Variants in PPM1D observed in about 807,000 individuals in gnomAD.
PPM1D encodes the protein protein phosphatase, Mg2+/Mn2+ dependent 1D.
A neutral mutation model predicts 58.3 loss-of-function variants in PPM1D; 52 were observed. The observed-to-expected ratio is 0.89, with a 90% CI of 0.71 to 1.12. The LOEUF (loss-of-function observed/expected upper bound fraction) is 1.12, where lower values mean the gene tolerates loss of function less well. Among genes scored for constraint, PPM1D ranks in the 50% most tolerant of loss-of-function variants. PPM1D has a pLI of 0.00. For synonymous variants in PPM1D, 278 were observed against 285.1 expected, an observed-to-expected ratio of 0.98 and a Z score of 0.25; for missense variants, 564 against 777.2, an observed-to-expected ratio of 0.73 and a Z score of 3.26.
At chr17:60,612,405 T>A (rs1295846490) in intron 1 of PPM1D, among the ~76,000 whole-genome samples, 1 of 151,622 alleles carries the variant, frequency 6.6e-6, no homozygotes, top group Non-Finnish European at 1.5e-5. Flanking sequence ...TGGTATAGCC[T>A]ACTGCACACC....
At chr17:60,648,158 A>C in intron 4 of PPM1D, 76 bp downstream of exon 4, 2 of 1,469,058 alleles carry the variant, frequency 1.4e-6, no homozygotes, top group South Asian at 2.7e-5. Context: ...TTGAATATGA[A>C]CTAAGGACAT....
chr17:60,608,784 G>A (rs1451951623), intron 1 of PPM1D, among the ~76,000 whole-genome samples: 3 of 147,886 alleles, frequency 2.0e-5, no homozygotes, highest in Non-Finnish European at 3.0e-5. Flanking sequence ...GTCTCGCTCT[G>A]TCGCCCAGGC....
chr17:60,627,537 T>G (rs2030834389), intron 2 of PPM1D, among the ~76,000 whole-genome samples: 1 of 151,934 alleles, frequency 6.6e-6, no homozygotes, highest in African/African-American at 2.4e-5. Flanking sequence ...TTCTCCTGCC[T>G]CAGCCTCCTG....
intron 1 of PPM1D, among the ~76,000 whole-genome samples, chr17:60,621,869 G>A (rs867769486): frequency 2.1e-5 from 3 of 143,114 alleles, no homozygotes; most frequent in Admixed American, 7.1e-5. Context: ...CACTCCCAGC[G>A]TGTTAAGAGT....
chr17:60,623,537 T>C lies in PPM1D; in HGVS notation c.489T>C (p.Thr163=). Residue 163 remains threonine, a synonymous_variant, in exon 2 of 6, where the codon ACT becomes ACC. Coordinates refer to ENST00000305921, the MANE Select transcript of PPM1D (RefSeq NM_003620.4). ...TTATTACAGCGGAATGGCCAAAGAC[T>C]ATGACGGGTCTTCCTAGCACATCAG... The part of the protein sequence containing the change: ...MWKKLAEWPK[T]MTGLPSTSGT... 2 of 1,613,326 alleles carry C rather than the reference T, an allele frequency of 1.2e-6. No individual in the cohort carries two copies. The highest frequency in any genetic ancestry group is 2.2e-5 in the South Asian group (2 of 91,052).
At chr17:60,658,246 G>A (rs1470706656) in intron 5 of PPM1D, among the ~76,000 whole-genome samples, 1 of 152,180 alleles carries the variant, frequency 6.6e-6, no homozygotes, top group Non-Finnish European at 1.5e-5. Context: ...GAGACATTAG[G>A]GTGGGGAATA....
intron 2 of PPM1D, among the ~76,000 whole-genome samples, chr17:60,624,183 CT>C (rs1360637747): frequency 6.6e-6 from 1 of 152,090 alleles, no homozygotes; most frequent in African/African-American, 2.4e-5. Context: ...TTTGTTTGAA[CT>C]TAGCGTTTCA....
rs191186582 is a variant in PPM1D at position 60,615,137 on chromosome 17, C to T, written c.473-8384C>T. Among the ~76,000 whole-genome samples the T allele has an allele frequency of 3.3e-4, 50 of 152,206 alleles. No homozygotes were observed. In the East Asian group the frequency reaches 3.7e-3, roughly 11 times the overall value. ...TTAGGCTGGGTGTGGTGGCTCACAC[C>T]TCTAATCCCAACACTTTGGGAGGCT... On this transcript the variant is annotated intron_variant, in intron 1 of 5. Transcript: ENST00000305921.
chr17:60,616,497 C>G (rs1396745381), intron 1 of PPM1D, among the ~76,000 whole-genome samples: 1 of 151,948 alleles, frequency 6.6e-6, no homozygotes, highest in Non-Finnish European at 1.5e-5. Context: ...ATAATCCCAG[C>G]TACTCGGGAG....
intron 5 of PPM1D, among the ~76,000 whole-genome samples, chr17:60,661,942 G>A (rs1022564854): frequency 6.6e-6 from 1 of 152,100 alleles, no homozygotes; most frequent in Non-Finnish European, 1.5e-5. Context: ...ATCCCCTCCA[G>A]TGGTTACACT....
rs989073959 is a variant in PPM1D at position 60,627,712 on chromosome 17, G to T, written c.701+3963G>T. Among the ~76,000 whole-genome samples, 4 of 151,160 alleles carry T rather than the reference G, an allele frequency of 2.6e-5. No individual in the cohort carries two copies. In the South Asian group the frequency reaches 6.3e-4, roughly 24 times the overall value. Reference sequence around the variant, plus strand: ...TGGGATTACAGGTGTGAGCCAATTCGCCTGACCAGGAAGGAGTATTTTGCT... The same window carrying T: ...TGGGATTACAGGTGTGAGCCAATTCTCCTGACCAGGAAGGAGTATTTTGCT... On this transcript the variant is annotated intron_variant, in intron 2 of 5. Transcript: ENST00000305921.
intron 1 of PPM1D, among the ~76,000 whole-genome samples, chr17:60,609,040 C>T (rs1009588606): frequency 6.6e-6 from 1 of 151,906 alleles, no homozygotes; most frequent in Non-Finnish European, 1.5e-5. Flanking sequence ...AGCCACCGCG[C>T]CCGGCCTTTA....
rs777279856 is a variant in PPM1D at position 60,663,055 on chromosome 17, C to G, written c.1321C>G (p.Arg441Gly). ...NSKDHIPALV[R>G]SNAFSENFLE... The stretch of plus-strand genomic sequence containing the variant: ...TAAGGACCATATACCTGCCCTGGTT[C>G]GTAGCAATGCCTTCTCAGAGAATTT... The change falls in exon 6 of 6, where the codon CGT (arginine) becomes GGT (glycine). Residue 441 changes from arginine (R) to glycine (G), a missense_variant. Arg to Gly is a moderately radical substitution (Grantham distance 125). This residue lies in a region of PPM1D where 261 missense variants were observed against 270.1 expected (regional missense o/e 0.97). Transcript: ENST00000305921. 12 of 1,613,944 alleles carry G rather than the reference C, an allele frequency of 7.4e-6. No individual in the cohort carries two copies. The highest frequency in any genetic ancestry group is 1.0e-5 in the Non-Finnish European group (12 of 1,179,976).
Position 60,656,618 on chromosome 17 carries a change from G to A in PPM1D, c.1037G>A (p.Cys346Tyr). The stretch of plus-strand genomic sequence containing the variant: ...ATACAGGGTGAGCATGGACAATCTT[G>A]TGCCAAAATGCTTGTGAATCGAGCA... ...KYLMGEHGQS[C>Y]AKMLVNRALG... The change falls in exon 5 of 6, where the codon TGT (cysteine) becomes TAT (tyrosine). Residue 346 changes from cysteine to tyrosine, a missense_variant. By Grantham distance (194) the Cys-to-Tyr change is radical. Around this residue, in one of 7 missense-constraint regions of PPM1D, gnomAD observed 34 missense variants for 34.3 expected, o/e 0.99. Transcript: ENST00000305921. 6.2e-7 allele frequency: 1 copy of A among 1,614,150 alleles called. No homozygotes were observed. The highest frequency in any genetic ancestry group is 1.6e-4 in the Middle Eastern group (1 of 6,062).
At chr17:60,615,447 A>G (rs2143639739) in intron 1 of PPM1D, among the ~76,000 whole-genome samples, 1 of 151,970 alleles carries the variant, frequency 6.6e-6, no homozygotes, top group African/African-American at 2.4e-5. Context: ...GAGAGTTAGT[A>G]TACTAGATGG....
chr17:60,634,114 T>G, intron 3 of PPM1D, 137 bp downstream of exon 3: 1 of 1,070,404 alleles, frequency 9.3e-7, no homozygotes, highest in Non-Finnish European at 1.3e-6. Flanking sequence ...ATTAACTGCT[T>G]TAGAACCTAA....
intron 5 of PPM1D, among the ~76,000 whole-genome samples, chr17:60,657,929 T>G (rs2031468460): frequency 6.6e-6 from 1 of 152,200 alleles, no homozygotes; most frequent in East Asian, 1.9e-4. Flanking sequence ...TTAGTAGAGA[T>G]GGGGTTTCAC....
chr17:60,646,351 C>T (rs1271544134), intron 3 of PPM1D, among the ~76,000 whole-genome samples: 1 of 152,066 alleles, frequency 6.6e-6, no homozygotes, highest in African/African-American at 2.4e-5. Flanking sequence ...GTTTGAATTG[C>T]CAGTATTTCT....
At chr17:60,620,089 C>G (rs1029924359) in intron 1 of PPM1D, among the ~76,000 whole-genome samples, 4 of 151,958 alleles carry the variant, frequency 2.6e-5, no homozygotes, top group Non-Finnish European at 4.4e-5. Context: ...AACTCCACCC[C>G]CTGGGTTCAA....
Sources: allele counts gnomAD v4.1 joint callset (sites outside exome capture counted in the v4.1 genomes callset), GRCh38; gene constraint gnomAD v4.1.1; regional missense constraint gnomAD v4.1.1; transcripts MANE v1.5; gene names NCBI Gene and HGNC (gene_info 2026-07-23, HGNC 2026-07-21).